EOGT: variants seen among roughly 807,000 people sequenced by gnomAD.
EOGT encodes the protein EGF domain specific O-linked N-acetylglucosamine transferase, also known as EGF domain-specific O-linked N-acetylglucosamine transferase.
A neutral mutation model predicts 70.5 loss-of-function variants in EOGT; 55 were observed. The observed-to-expected ratio is 0.78, with a 90% CI of 0.63 to 0.98. The LOEUF is 0.98. EOGT is among the 50% of genes least tolerant of loss of function. The probability of loss-of-function intolerance (pLI) is 0.00; values close to 1 mark genes in which losing one functional copy is unlikely to be tolerated. For missense variants in EOGT, 703 were observed against 641.9 expected (o/e 1.10, Z -1.03); for synonymous variants, 246 against 217.1 (o/e 1.13, Z -1.17).
chr3:69,007,719 C>T lies in EOGT; in HGVS notation c.414G>A (p.Lys138=), dbSNP rs1172909574. The T allele has an allele frequency of 3.1e-6, 5 of 1,597,620 alleles. No homozygotes were observed. The highest frequency in any genetic ancestry group is 1.7e-5 in the Admixed American group (1 of 57,194). ...LEEMHVLCQP[K]ETSDSSLVCS... ...TAAGGAGCAAAATACCCACCGTTTC[C>T]TTAGGCTGACAGAGCACATGCATCT... The change falls in exon 6 of 18, where the codon AAG becomes AAA. Residue 138 remains lysine (K), a synonymous_variant. Transcript: ENST00000383701.
intron 14 of EOGT, among the ~76,000 whole-genome samples, chr3:68,985,313 C>A (rs537804667): frequency 6.6e-6 from 1 of 152,198 alleles, no homozygotes; most frequent in South Asian, 2.1e-4. Context: ...ACAATTAACA[C>A]CTCATTATGC....
intron 1 of EOGT, among the ~76,000 whole-genome samples, chr3:69,013,354 G>T (rs977874019): frequency 3.3e-5 from 5 of 151,796 alleles, no homozygotes; most frequent in African/African-American, 1.2e-4. Context: ...CGCTGGGAAG[G>T]GGCCGGGCGC....
At chr3:68,994,374 C>A (rs547134834) in intron 10 of EOGT, among the ~76,000 whole-genome samples, 2 of 152,030 alleles carry the variant, frequency 1.3e-5, no homozygotes, top group African/African-American at 2.4e-5. Context: ...GACTCACACA[C>A]GTTAAATGCA....
chr3:68,987,389 C>T (rs1250717248), intron 14 of EOGT, 56 bp downstream of exon 14: 4 of 1,183,788 alleles, frequency 3.4e-6, no homozygotes, highest in East Asian at 2.5e-5. Flanking sequence ...AAAAAAAACA[C>T]AATTTGCTCT....
intron 14 of EOGT, among the ~76,000 whole-genome samples, chr3:68,986,620 T>C (rs1162190358): frequency 1.3e-5 from 2 of 152,222 alleles, no homozygotes; most frequent in Non-Finnish European, 2.9e-5. Context: ...TCTTCTCTGA[T>C]TAGGTCTTTG....
chr3:68,995,729 T>C (rs1397785030), intron 10 of EOGT, among the ~76,000 whole-genome samples: 1 of 152,166 alleles, frequency 6.6e-6, no homozygotes, highest in Non-Finnish European at 1.5e-5. Context: ...AAAATTCTGT[T>C]TGGCAACTTA....
intron 14 of EOGT, among the ~76,000 whole-genome samples, chr3:68,983,703 C>T (rs1214152494): frequency 6.6e-6 from 1 of 152,236 alleles, no homozygotes; most frequent in African/African-American, 2.4e-5. Context: ...GTGGCTCACA[C>T]CTGCAATCCC....
At position 68,986,198 on chromosome 3, in the gene EOGT, C is replaced by T. The variant is rs528723933; in HGVS notation, c.1152+1247G>A. ...CCCATTTGTGATTATACTGGGCTCA[C>T]GTGGATGATCCAAGATAATCTTCTT... is the stretch of plus-strand genomic sequence containing the variant. On this transcript the variant is annotated intron_variant, in intron 14 of 17. Coordinates refer to ENST00000383701, the MANE Select transcript of EOGT (RefSeq NM_001278689.2). Among the ~76,000 whole-genome samples, 6 of 152,320 alleles carry T rather than the reference C, an allele frequency of 3.9e-5. No individual in the cohort carries two copies. The East Asian group carries it at 7.7e-4, about 20-fold the overall frequency.
chr3:68,985,257 C>G (rs1325544634), intron 14 of EOGT, among the ~76,000 whole-genome samples: 1 of 152,174 alleles, frequency 6.6e-6, no homozygotes, highest in Non-Finnish European at 1.5e-5. Context: ...TTTAAACACA[C>G]ACATACAAAC....
chr3:68,983,151 C>T (rs1052613519), intron 14 of EOGT, among the ~76,000 whole-genome samples: 2 of 152,184 alleles, frequency 1.3e-5, no homozygotes, highest in African/African-American at 4.8e-5. Flanking sequence ...AAGGAGAAGA[C>T]AATTCAGGGA....
chr3:68,996,765 A>G (rs1236014040), intron 10 of EOGT, among the ~76,000 whole-genome samples: 1 of 152,234 alleles, frequency 6.6e-6, no homozygotes, highest in Non-Finnish European at 1.5e-5. Context: ...CATCCTGAAT[A>G]GACTCACACC....
At chr3:69,001,971 C>T (rs936350512) in intron 8 of EOGT, among the ~76,000 whole-genome samples, 4 of 152,196 alleles carry the variant, frequency 2.6e-5, no homozygotes, top group Non-Finnish European at 5.9e-5. Flanking sequence ...GCAGTCAGAT[C>T]ACGAGGTCAG....
At chr3:68,988,703 T>A (rs1478713436) in intron 11 of EOGT, 126 bp from the exon 12 acceptor site, 4 of 670,500 alleles carry the variant, frequency 6.0e-6, no homozygotes, top group Non-Finnish European at 7.4e-6. Flanking sequence ...GCACACTATT[T>A]CATTCAAAGA....
At position 68,975,950 on chromosome 3, in the gene EOGT, C is replaced by T. The variant is rs1483163810; in HGVS notation, c.*1668G>A. On this transcript the variant is annotated 3_prime_UTR_variant, in exon 18 of 18. Transcript: ENST00000383701. The stretch of plus-strand genomic sequence containing the variant: ...TTAGCTATTCTGTAATTTGTTACTC[C>T]ATTATTTTAAAAAATAGAAGTAACT... 6.6e-6 allele frequency: 1 copy of T among 152,078 alleles called. No homozygotes were observed. The highest frequency in any genetic ancestry group is 1.5e-5 in the Non-Finnish European group (1 of 68,006). 9.4% of individuals were successfully genotyped at this position (152,078 alleles called of 1,614,324 possible).
chr3:68,999,874 T>C (rs1304555322), intron 9 of EOGT, among the ~76,000 whole-genome samples: 1 of 152,166 alleles, frequency 6.6e-6, no homozygotes, highest in Non-Finnish European at 1.5e-5. Flanking sequence ...ATGTGCCCCC[T>C]AATGAGTCCT....
chr3:68,990,257 G>C (rs971589920), intron 10 of EOGT, among the ~76,000 whole-genome samples: 3 of 151,796 alleles, frequency 2.0e-5, no homozygotes, highest in Admixed American at 1.3e-4. Context: ...CTGAGTTATA[G>C]AGCTGGTATT....
In EOGT at chr3:69,003,041, A is replaced by G. The variant is rs1178296467; in HGVS notation, c.621-1327T>C. 2.0e-5 allele frequency among the ~76,000 whole-genome samples: 3 copies of G among 151,920 alleles called. No homozygotes were observed. In the East Asian group the frequency reaches 5.8e-4, roughly 29 times the overall value. On this transcript the variant is annotated intron_variant, in intron 8 of 17. Transcript: ENST00000383701. ...TGTGACTATACAGGAGTAGCAGGAG[A>G]GTTTCTTTGGGATGATGGAACAATT...
In EOGT at chr3:69,001,609, T is replaced by A. The variant is rs769047489; in HGVS notation, c.726A>T (p.Ala242=). The change falls in exon 9 of 18, where the codon GCA becomes GCT. Residue 242 remains alanine, a splice_region_variant and synonymous_variant. Coordinates refer to ENST00000383701, the MANE Select transcript of EOGT (RefSeq NM_001278689.2). ...ATAACAGAAAAAGTTATTTCTCACC[T>A]GCATCTAATTTCATGAAATATGTTG... ...EKPTYFMKLD[A]GVNMYHHFCD... is the part of the protein sequence containing the mutation. 1 of 1,577,164 alleles carries A rather than the reference T, an allele frequency of 6.3e-7. No individual in the cohort carries two copies. The highest frequency in any genetic ancestry group is 1.1e-5 in the South Asian group (1 of 88,258).
At position 69,005,205 on chromosome 3, in the gene EOGT, A is replaced by G. The variant is rs1234463293; in HGVS notation, c.450T>C (p.Tyr150=). The change falls in exon 7 of 18, where the codon TAT becomes TAC. Residue 150 remains tyrosine (Y), a synonymous_variant. Coordinates refer to ENST00000383701, the MANE Select transcript of EOGT (RefSeq NM_001278689.2). ...TSDSSLVCSR[Y]LQYCRATNLY... is the part of the protein sequence containing the mutation. ...GATTGGTTGCTCTGCAGTACTGAAG[A>G]TAACGGGAACACACCAGACTTGAGT... The G allele has an allele frequency of 1.2e-6, 2 of 1,605,296 alleles. No homozygotes were observed. Among genetic ancestry groups the G allele is most frequent in the East Asian group, 2.2e-5 (1 of 44,790 alleles).
Sources: gnomAD v4.1 joint callset for allele counts (sites outside exome capture counted in the v4.1 genomes callset) on GRCh38, gnomAD v4.1.1 for gene constraint, MANE v1.5 for transcripts, NCBI Gene and HGNC (gene_info 2026-07-23, HGNC 2026-07-21) for gene names.